Variants in CNTNAP4 observed in about 807,000 individuals in gnomAD.
CNTNAP4 encodes the protein contactin associated protein family member 4, also known as contactin-associated protein-like 4.
Under a neutral mutation model 148.4 loss-of-function variants are expected in CNTNAP4, and 98 were observed. The ratio of observed to expected loss-of-function variants is 0.66; its 90% CI spans 0.56 to 0.78. The LOEUF is 0.78. Among genes scored for constraint, CNTNAP4 ranks in the 30% least tolerant of loss-of-function variants. The pLI, the probability that CNTNAP4 is intolerant of heterozygous loss-of-function variation, is 0.00. For missense variants in CNTNAP4, 1,935 were observed against 1,565.6 expected, an observed-to-expected ratio of 1.24 and a Z score of -3.98; for synonymous variants, 730 against 565.1, an observed-to-expected ratio of 1.29 and a Z score of -4.14.
At chr16:76,448,272 A>G (rs1315445472) in intron 5 of CNTNAP4, 57 bp downstream of exon 5, 13 of 1,251,058 alleles carry the variant, frequency 1.0e-5, no homozygotes, top group Non-Finnish European at 1.4e-5. Context: ...CACCTAAGTC[A>G]CTTTATGCTT....
intron 9 of CNTNAP4, among the ~76,000 whole-genome samples, chr16:76,464,517 T>C (rs1224557933): frequency 1.3e-5 from 2 of 152,096 alleles, no homozygotes; most frequent in Non-Finnish European, 2.9e-5. Context: ...GGATCTGTGT[T>C]GTCTAGGTGG....
At chr16:76,459,901 C>G (rs545167009) in intron 8 of CNTNAP4, among the ~76,000 whole-genome samples, 70 of 152,276 alleles carry the variant, frequency 4.6e-4, no homozygotes, top group African/African-American at 1.7e-3. Flanking sequence ...CTGATGGATT[C>G]ATGACACTGG....
At chr16:76,325,263 ATGTAATGTATATTTATATACTGTG>A (rs1567709925) in intron 2 of CNTNAP4, among the ~76,000 whole-genome samples, 2 of 152,198 alleles carry the variant, frequency 1.3e-5, no homozygotes, top group East Asian at 1.9e-4. Flanking sequence ...AAATTAAAAT[ATGTAATGTATATTTATATACTGTG>A]TGTAATGTAT....
intron 4 of CNTNAP4, chr16:76,432,647 A>G (rs917374884): frequency 6.6e-6 from 1 of 152,216 alleles, no homozygotes; most frequent in Admixed American, 6.5e-5. Flanking sequence ...AATGGGTGAA[A>G]GTGAATATAT....
At position 76,530,451 on chromosome 16, in the gene CNTNAP4, C is replaced by T. The variant is rs151029064; in HGVS notation, c.2756-5094C>T. Among the ~76,000 whole-genome samples, 707 of 152,212 alleles carry T rather than the reference C, an allele frequency of 4.6e-3. 4 individuals carry two copies. Among genetic ancestry groups the T allele is most frequent in the African/African-American group, 0.017 (687 of 41,518 alleles). ...AATCTTAGCGATCATTGACTGAGGT[C>T]AGAATTCAGATGGGATGTCTGGGGA... is the stretch of plus-strand genomic sequence containing the variant. On this transcript the variant is annotated intron_variant, in intron 17 of 23. Coordinates refer to ENST00000611870, the MANE Select transcript of CNTNAP4 (RefSeq NM_033401.5).
chr16:76,459,309 C>G (rs1388252624), intron 8 of CNTNAP4, among the ~76,000 whole-genome samples: 1 of 152,190 alleles, frequency 6.6e-6, no homozygotes, highest in African/African-American at 2.4e-5. Flanking sequence ...GATTACATAA[C>G]TCTATTCAGC....
chr16:76,499,745 G>C (rs1178326200), intron 15 of CNTNAP4, among the ~76,000 whole-genome samples: 1 of 150,466 alleles, frequency 6.6e-6, no homozygotes, highest in African/African-American at 2.4e-5. Flanking sequence ...CTTGAGATTA[G>C]GGAGTGGTGA....
intron 4 of CNTNAP4, among the ~76,000 whole-genome samples, chr16:76,444,634 G>A (rs1485709985): frequency 1.3e-5 from 2 of 151,986 alleles, no homozygotes; most frequent in African/African-American, 4.8e-5. Flanking sequence ...TTTTGTAATT[G>A]TTTAAGATGA....
intron 15 of CNTNAP4, among the ~76,000 whole-genome samples, chr16:76,500,287 T>C (rs2082581357): frequency 6.6e-6 from 1 of 152,228 alleles, no homozygotes; most frequent in African/African-American, 2.4e-5. Flanking sequence ...TTGTGAACAT[T>C]TTTAAGTACG....
chr16:76,341,654 G>C (rs969033494), intron 2 of CNTNAP4, among the ~76,000 whole-genome samples: 3 of 152,134 alleles, frequency 2.0e-5, no homozygotes, highest in Admixed American at 6.5e-5. Context: ...TCCATGAATA[G>C]ATATATGGGA....
Position 76,538,249 on chromosome 16 carries a change from A to C in CNTNAP4, c.3129A>C (p.Lys1043Asn). The C allele has an allele frequency of 1.9e-6, 3 of 1,611,282 alleles. No homozygotes were observed. Among genetic ancestry groups the C allele is most frequent in the Non-Finnish European group, 2.5e-6 (3 of 1,178,986 alleles). ...GDMKLSREMIKFSFRTTRTPS... is the reference protein window; with the variant it reads ...GDMKLSREMINFSFRTTRTPS... ...TGAAGCTGAGCAGAGAAATGATCAAATTTAGTTTCCGAACAACACGAACAC... is the reference window on the plus strand; with the variant it reads ...TGAAGCTGAGCAGAGAAATGATCAACTTTAGTTTCCGAACAACACGAACAC... Residue 1043 changes from lysine to asparagine, a missense_variant, in exon 19 of 24, where the codon AAA (lysine) becomes AAC (asparagine). Physicochemically the swap from Lys to Asn is moderately conservative, Grantham distance 94 (BLOSUM62 0). Coordinates refer to ENST00000611870, the MANE Select transcript of CNTNAP4 (RefSeq NM_033401.5).
chr16:76,283,550 A>T (rs749272285), intron 1 of CNTNAP4, among the ~76,000 whole-genome samples: 3 of 152,018 alleles, frequency 2.0e-5, no homozygotes, highest in Non-Finnish European at 4.4e-5. Context: ...TGGCAAACTA[A>T]CAAGGGAACA....
intron 18 of CNTNAP4, among the ~76,000 whole-genome samples, chr16:76,535,996 C>G (rs1044992935): frequency 6.6e-6 from 1 of 152,102 alleles, no homozygotes; most frequent in South Asian, 2.1e-4. Context: ...TATTTCATTA[C>G]TTAAATATTT....
At chr16:76,481,372 A>T (rs1299906349) in intron 12 of CNTNAP4, among the ~76,000 whole-genome samples, 1 of 152,216 alleles carries the variant, frequency 6.6e-6, no homozygotes, top group Non-Finnish European at 1.5e-5. Context: ...AAATTTAAAA[A>T]TTTAACTAAA....
At chr16:76,525,622 A>G (rs2083689135) in intron 17 of CNTNAP4, among the ~76,000 whole-genome samples, 1 of 137,248 alleles carries the variant, frequency 7.3e-6, no homozygotes, top group Non-Finnish European at 1.6e-5. Context: ...TATAGTTTAT[A>G]TGTAGTTTAT....
At chr16:76,368,978 A>T (rs997771123) in intron 3 of CNTNAP4, among the ~76,000 whole-genome samples, 1 of 152,062 alleles carries the variant, frequency 6.6e-6, no homozygotes, top group Admixed American at 6.6e-5. Context: ...TCAACATAGT[A>T]TAAGTATGAA....
intron 4 of CNTNAP4, among the ~76,000 whole-genome samples, chr16:76,444,592 A>G (rs954316263): frequency 3.9e-5 from 6 of 152,064 alleles, no homozygotes; most frequent in African/African-American, 1.4e-4. Flanking sequence ...TCAGGTTTTT[A>G]TATGATTAAC....
chr16:76,550,974 C>A (rs1299331212), intron 21 of CNTNAP4, among the ~76,000 whole-genome samples: 3 of 152,136 alleles, frequency 2.0e-5, no homozygotes, highest in African/African-American at 7.2e-5. Flanking sequence ...TCCCTCACAA[C>A]AGGAAAGTGA....
In CNTNAP4 at chr16:76,309,922, T is replaced by A. The variant is rs751604652; in HGVS notation, c.86-6491T>A. The A allele has an allele frequency of 5.7e-6, 4 of 701,680 alleles. No individual in the cohort carries two copies. In the South Asian group the frequency reaches 5.9e-5, roughly 10 times the overall value. 43.5% of individuals were successfully genotyped at this position (701,680 alleles called of 1,614,324 possible). On this transcript the variant is annotated intron_variant, in intron 1 of 23. Transcript: ENST00000611870. Reference sequence around the variant, plus strand: ...ATGTGGAACTGTGAGTCCGGTTAAGTCTCTTTTTCTTCCCCGTCTCGGGTA... The same window carrying A: ...ATGTGGAACTGTGAGTCCGGTTAAGACTCTTTTTCTTCCCCGTCTCGGGTA...
Sources: gnomAD v4.1 joint callset for allele counts (sites outside exome capture counted in the v4.1 genomes callset) on GRCh38, gnomAD v4.1.1 for gene constraint, MANE v1.5 for transcripts, NCBI Gene and HGNC (gene_info 2026-07-23, HGNC 2026-07-21) for gene names.